Variants in PBX1 observed in about 807,000 individuals in gnomAD.
PBX1 encodes pre-B-cell leukemia transcription factor 1.
In PBX1, 6 loss-of-function variants were observed where a neutral mutation model predicts 53.4. The ratio of observed to expected loss-of-function variants is 0.11; its 90% CI spans 0.06 to 0.22. The LOEUF is 0.22. Ranked by LOEUF, PBX1 falls within the 10% of genes least tolerant of loss-of-function variation. The probability of loss-of-function intolerance (pLI) is 1.00; values close to 1 mark genes in which losing one functional copy is unlikely to be tolerated. For synonymous variants in PBX1, 204 were observed against 212.3 expected (o/e 0.96, Z 0.34); for missense variants, 251 against 551.4 (o/e 0.46, Z 5.46).
intron 3 of PBX1, among the ~76,000 whole-genome samples, chr1:164,793,880 T>A (rs1473713138): frequency 2.1e-5 from 3 of 140,690 alleles, no homozygotes; most frequent in Non-Finnish European, 4.6e-5. Context: ...TTCTTTTTTT[T>A]TTTTTTTTTT....
Position 164,698,062 on chromosome 1 carries a change from CT to C in PBX1, c.266-94426del, listed in dbSNP as rs371129053. Among the ~76,000 whole-genome samples the C allele has an allele frequency of 2.3e-3, 344 of 152,192 alleles. 3 individuals are homozygous for C. Among genetic ancestry groups the C allele is most frequent in the African/African-American group, 7.3e-3 (304 of 41,538 alleles). On this transcript the variant is annotated intron_variant, in intron 2 of 8. Coordinates refer to ENST00000420696, the MANE Select transcript of PBX1 (RefSeq NM_002585.4). ...GGATTTTCTAGTGTCGGGCTCTTCT[CT>C]TTTTTAGGAAGGGAGAAGCGGGTCT...
In PBX1 at chr1:164,559,914, G is replaced by T. The variant is rs192264696; in HGVS notation, c.92G>T (p.Gly31Val). ...GLSQHLQDGA[G>V]GTEGEGGRKQ... Reference sequence around the variant, plus strand: ...TCCCAGCACTTGCAGGATGGGGCCGGAGGGACCGAGGGGGAGGGCGGGAGG... The same window carrying T: ...TCCCAGCACTTGCAGGATGGGGCCGTAGGGACCGAGGGGGAGGGCGGGAGG... Residue 31 changes from glycine to valine, a missense_variant, in exon 1 of 9, where the codon GGA becomes GTA. Physicochemically the swap from Gly to Val is moderately radical, Grantham distance 109. Transcript: ENST00000420696. 9.8e-5 allele frequency: 152 copies of T among 1,548,288 alleles called. No homozygotes were observed. In the African/African-American group the frequency reaches 1.7e-3, roughly 17 times the overall value.
intron 2 of PBX1, among the ~76,000 whole-genome samples, chr1:164,564,950 A>G (rs867825894): frequency 6.6e-6 from 1 of 151,942 alleles, no homozygotes; most frequent in African/African-American, 2.4e-5. Context: ...ATCTTGTTTC[A>G]TGAAATGTAG....
intron 2 of PBX1, among the ~76,000 whole-genome samples, chr1:164,712,070 G>C (rs1663822207): frequency 6.7e-6 from 1 of 150,090 alleles, no homozygotes; most frequent in Non-Finnish European, 1.5e-5. Context: ...TTGCAGGGAA[G>C]GGTCATGGTT....
intron 2 of PBX1, among the ~76,000 whole-genome samples, chr1:164,698,824 T>G (rs1662938255): frequency 6.6e-6 from 1 of 152,192 alleles, no homozygotes; most frequent in Non-Finnish European, 1.5e-5. Flanking sequence ...TCTCAAGCAT[T>G]CACTCAGGTA....
chr1:164,724,670 ATTTTTTTTTT>A (rs59042806), intron 2 of PBX1, among the ~76,000 whole-genome samples: 1,277 of 47,646 alleles, frequency 0.027, 3 homozygotes, highest in East Asian at 0.038. Context: ...ATAGCTGCAG[ATTTTTTTTTT>A]TTTTTTTTTT....
At chr1:164,743,072 A>G (rs1169425271) in intron 2 of PBX1, among the ~76,000 whole-genome samples, 1 of 152,330 alleles carries the variant, frequency 6.6e-6, no homozygotes, top group Admixed American at 6.5e-5. Flanking sequence ...GGCCAGAAAC[A>G]GTGATGGGGC....
chr1:164,849,233 G>T lies in PBX1; in HGVS notation c.*2557G>T. The T allele has an allele frequency of 6.6e-7, 1 of 1,505,358 alleles. No homozygotes were observed. The highest frequency in any genetic ancestry group is 8.9e-7 in the Non-Finnish European group (1 of 1,129,324). The allele number at this position is 1,505,358 out of a possible 1,614,324, so 93.3% of individuals were successfully genotyped here. A position where few individuals can be genotyped will look rare whatever the true frequency, so the allele number is the denominator to read the frequency against. On this transcript the variant is annotated 3_prime_UTR_variant, in exon 9 of 9. Transcript: ENST00000420696. ...AGTTAATGCAAAAGATCAGAACAGG[G>T]CTACATTTGCACAGGCAGTTTCTCT...
At chr1:164,867,456 G>A (rs934356247) in intron 2 of PBX1, among the ~76,000 whole-genome samples, 1 of 152,320 alleles carries the variant, frequency 6.6e-6, no homozygotes, top group Non-Finnish European at 1.5e-5. Context: ...AGGTATTGAG[G>A]AGAAAGCCAC....
chr1:164,725,104 C>T (rs1039522974), intron 2 of PBX1, among the ~76,000 whole-genome samples: 1 of 151,946 alleles, frequency 6.6e-6, no homozygotes, highest in African/African-American at 2.4e-5. Flanking sequence ...CTTGAACCCC[C>T]CACCCCCTTC....
chr1:164,560,245 T>A (rs1652937532), intron 1 of PBX1: 1 of 442,346 alleles, frequency 2.3e-6, no homozygotes, highest in African/African-American at 2.0e-5. Flanking sequence ...TGTGTGTGTG[T>A]GTGAATATAG....
At chr1:164,635,460 G>T (rs1353496951) in intron 2 of PBX1, among the ~76,000 whole-genome samples, 1 of 152,224 alleles carries the variant, frequency 6.6e-6, no homozygotes, top group Non-Finnish European at 1.5e-5. Flanking sequence ...CAAGATTAAT[G>T]GTTCTCTTTC....
At chr1:164,659,692 C>CAAG (rs1475237939) in intron 2 of PBX1, among the ~76,000 whole-genome samples, 1 of 152,208 alleles carries the variant, frequency 6.6e-6, no homozygotes, top group African/African-American at 2.4e-5. Context: ...GCAGCTTAAG[C>CAAG]AAGAGCACTA....
At chr1:164,856,985 G>A (rs1471752694) in intron 2 of PBX1, among the ~76,000 whole-genome samples, 3 of 152,046 alleles carry the variant, frequency 2.0e-5, no homozygotes, top group Non-Finnish European at 2.9e-5. Context: ...TCTTCCTGAT[G>A]CCACTTCTGA....
chr1:164,696,053 G>T (rs904126511), intron 2 of PBX1, among the ~76,000 whole-genome samples: 1 of 152,208 alleles, frequency 6.6e-6, no homozygotes. Context: ...GTCATTGAAT[G>T]TCTAGCTGGG....
At position 164,798,376 on chromosome 1, in the gene PBX1, G is replaced by A. The variant is rs148057911; in HGVS notation, c.511-1323G>A. On this transcript the variant is annotated intron_variant, in intron 3 of 8. Coordinates refer to ENST00000420696, the MANE Select transcript of PBX1 (RefSeq NM_002585.4). ...AAAGCATCATCTTGCCTTTTTTGTT[G>A]TGAATCTAATATAGTTTTACAGTAT... is the stretch of plus-strand genomic sequence containing the variant. Among the ~76,000 whole-genome samples, 265 of 152,298 alleles carry A rather than the reference G, an allele frequency of 1.7e-3. 2 individuals are homozygous for A. Among genetic ancestry groups the A allele is most frequent in the Non-Finnish European group, 8.5e-4 (58 of 68,020 alleles).
At chr1:164,711,302 C>T (rs1007111303) in intron 2 of PBX1, among the ~76,000 whole-genome samples, 6 of 152,154 alleles carry the variant, frequency 3.9e-5, no homozygotes, top group African/African-American at 1.2e-4. Context: ...CTTGCTCTGT[C>T]GCCCATGCTG....
chr1:164,757,103 T>G (rs1261801976), intron 2 of PBX1, among the ~76,000 whole-genome samples: 1 of 152,062 alleles, frequency 6.6e-6, no homozygotes, highest in African/African-American at 2.4e-5. Context: ...ATTTTTTTTT[T>G]GCAAGAGGAG....
intron 2 of PBX1, among the ~76,000 whole-genome samples, chr1:164,677,426 G>C (rs557562528): frequency 4.1e-4 from 62 of 152,014 alleles, no homozygotes; most frequent in Non-Finnish European, 6.6e-4. Flanking sequence ...GCCATCATTT[G>C]CACCATTTAC....
Sources: gnomAD v4.1 joint callset for allele counts (sites outside exome capture counted in the v4.1 genomes callset) on GRCh38, gnomAD v4.1.1 for gene constraint, MANE v1.5 for transcripts, NCBI Gene and HGNC (gene_info 2026-07-23, HGNC 2026-07-21) for gene names.